Variants in NBEA observed in about 807,000 individuals in gnomAD.
NBEA encodes the protein neurobeachin.
In NBEA, 44 loss-of-function variants were observed where a neutral mutation model predicts 343.4. The ratio of observed to expected loss-of-function variants is 0.13; its 90% CI spans 0.10 to 0.16. The LOEUF is 0.16. Among genes scored for constraint, NBEA ranks in the 10% least tolerant of loss-of-function variants. The pLI is 1.00. For missense variants in NBEA, 2,555 were observed against 3,631.3 expected, an observed-to-expected ratio of 0.70 and a Z score of 7.62; for synonymous variants, 1,175 against 1,238.7, an observed-to-expected ratio of 0.95 and a Z score of 1.08.
chr13:35,594,327 A>T (rs1487945233), intron 47 of NBEA, among the ~76,000 whole-genome samples: 2 of 152,116 alleles, frequency 1.3e-5, no homozygotes, highest in African/African-American at 2.4e-5. Flanking sequence ...TGTCATTCAC[A>T]TATTTATGCT....
intron 39 of NBEA, among the ~76,000 whole-genome samples, chr13:35,447,119 A>G (rs1423807701): frequency 6.6e-6 from 1 of 152,134 alleles, no homozygotes; most frequent in East Asian, 1.9e-4. Flanking sequence ...TTATCAATAG[A>G]AAAGAACATA....
chr13:35,452,433 A>G (rs1566154257), intron 40 of NBEA, among the ~76,000 whole-genome samples, 198 bp downstream of exon 40: 1 of 152,212 alleles, frequency 6.6e-6, no homozygotes, highest in Non-Finnish European at 1.5e-5. Context: ...TTGGCAATAA[A>G]TGAATATCAT....
chr13:35,588,488 A>G (rs530638975), intron 46 of NBEA, among the ~76,000 whole-genome samples: 15 of 152,292 alleles, frequency 9.8e-5, no homozygotes, highest in South Asian at 2.1e-4. Context: ...ATTTGTTTCA[A>G]TGTACTTAGT....
chr13:35,017,834 T>TA (rs1233052550), intron 1 of NBEA, among the ~76,000 whole-genome samples: 30 of 152,178 alleles, frequency 2.0e-4, no homozygotes, highest in Admixed American at 2.0e-3. Context: ...GTGGCTTACT[T>TA]AAAAAATATT....
At chr13:35,259,229 C>T (rs867935663) in intron 34 of NBEA, among the ~76,000 whole-genome samples, 2 of 152,022 alleles carry the variant, frequency 1.3e-5, no homozygotes, top group East Asian at 1.9e-4. Context: ...ATTTTTAGCT[C>T]GGCACCAGAC....
At position 35,452,240 on chromosome 13, in the gene NBEA, A is replaced by T; in HGVS notation, c.6448+5A>T. 1 of 1,545,920 alleles carries T rather than the reference A, an allele frequency of 6.5e-7. No individual in the cohort carries two copies. Among genetic ancestry groups the T allele is most frequent in the Non-Finnish European group, 8.7e-7 (1 of 1,145,080 alleles). ...AAGAAATTGACAACCTTGCAGGTAA[A>T]TTTTAAAATATATTTTTCCTATTTG... On this transcript the variant is annotated splice_donor_5th_base_variant and intron_variant, in intron 40 of 58. Coordinates refer to ENST00000379939, the MANE Select transcript of NBEA (RefSeq NM_001385012.1).
rs2060669907 is a variant in NBEA at position 34,989,407 on chromosome 13, C to T, written c.294+46293C>T. On this transcript the variant is annotated intron_variant, in intron 1 of 58. Coordinates refer to ENST00000379939, the MANE Select transcript of NBEA (RefSeq NM_001385012.1). ...GCCTGGCTGGGGAGGTTTCAGGAAA[C>T]TTACAATCATGGCAGAAGGTGAAGG... is the stretch of plus-strand genomic sequence containing the variant. Among the ~76,000 whole-genome samples, 2 of 150,908 alleles carry T rather than the reference C, an allele frequency of 1.3e-5. 1 individual carries two copies. The highest frequency in any genetic ancestry group is 3.0e-5 in the Non-Finnish European group (2 of 67,460).
intron 41 of NBEA, among the ~76,000 whole-genome samples, chr13:35,546,098 T>G (rs1009565213): frequency 6.6e-6 from 1 of 152,238 alleles, no homozygotes; most frequent in South Asian, 2.1e-4. Context: ...TTTTAGGCAC[T>G]GTGTATCGAA....
intron 31 of NBEA, among the ~76,000 whole-genome samples, chr13:35,199,359 G>C (rs1296947582): frequency 6.6e-6 from 1 of 152,134 alleles, no homozygotes; most frequent in Non-Finnish European, 1.5e-5. Flanking sequence ...GCTTTAGAAT[G>C]AAAGTCCTGA....
At chr13:35,292,815 T>A (rs2035884626) in intron 35 of NBEA, among the ~76,000 whole-genome samples, 1 of 152,068 alleles carries the variant, frequency 6.6e-6, no homozygotes, top group African/African-American at 2.4e-5. Context: ...ATTCTGCAAA[T>A]GGAATTTTTA....
intron 32 of NBEA, among the ~76,000 whole-genome samples, chr13:35,210,710 T>C (rs1171561459): frequency 6.6e-6 from 1 of 152,138 alleles, no homozygotes; most frequent in Non-Finnish European, 1.5e-5. Context: ...AATATTACAA[T>C]GTAGCTATAA....
chr13:35,055,980 A>C (rs773165863), intron 6 of NBEA, 30 bp from the exon 7 acceptor site: 38 of 1,530,992 alleles, frequency 2.5e-5, no homozygotes, highest in Non-Finnish European at 3.4e-5. Context: ...CAAACATTAC[A>C]TATTGATATA....
chr13:35,408,164 T>C (rs1566087918), intron 38 of NBEA, among the ~76,000 whole-genome samples: 1 of 152,098 alleles, frequency 6.6e-6, no homozygotes, highest in Non-Finnish European at 1.5e-5. Context: ...AACAGACACA[T>C]AGACCAATGG....
intron 41 of NBEA, among the ~76,000 whole-genome samples, chr13:35,547,854 A>G (rs1368363090): frequency 6.6e-6 from 1 of 152,044 alleles, no homozygotes; most frequent in East Asian, 1.9e-4. Flanking sequence ...ACGCCACTGC[A>G]CTCCAGTCTG....
intron 2 of NBEA, among the ~76,000 whole-genome samples, chr13:35,042,337 T>G (rs2062684293): frequency 6.6e-6 from 1 of 151,862 alleles, no homozygotes; most frequent in Admixed American, 6.6e-5. Flanking sequence ...TTAAAATACC[T>G]TTTTAATATT....
chr13:34,967,256 C>T (rs538616189), intron 1 of NBEA, among the ~76,000 whole-genome samples: 53 of 151,664 alleles, frequency 3.5e-4, no homozygotes, highest in African/African-American at 1.1e-3. Context: ...ATTTTCCTGA[C>T]GGAAAATGAA....
chr13:35,159,206 C>A lies in NBEA; in HGVS notation c.3035C>A (p.Pro1012Gln). The A allele has an allele frequency of 5.6e-6, 9 of 1,613,520 alleles. No individual in the cohort carries two copies. The highest frequency in any genetic ancestry group is 7.6e-6 in the Non-Finnish European group (9 of 1,179,644). The change falls in exon 22 of 59, where the codon CCA becomes CAA. Residue 1012 changes from proline (P) to glutamine (Q), a missense_variant. Coordinates refer to ENST00000379939, the MANE Select transcript of NBEA (RefSeq NM_001385012.1). ...GAAGATCTTTCACAAAGCCAGAGCC[C>A]AGAAAGTGAGACCGATTACCCTGTC... ...EIEDLSQSQS[P>Q]ESETDYPVST...
chr13:35,653,386 A>C (rs952761993), intron 53 of NBEA, among the ~76,000 whole-genome samples: 6 of 137,472 alleles, frequency 4.4e-5, no homozygotes, highest in East Asian at 4.3e-4. Flanking sequence ...GCTGGAGTGC[A>C]GTGATGCAAT....
At chr13:35,345,468 T>C (rs2039819730) in intron 36 of NBEA, among the ~76,000 whole-genome samples, 2 of 152,026 alleles carry the variant, frequency 1.3e-5, no homozygotes, top group Admixed American at 6.6e-5. Flanking sequence ...GTGAGTGAGC[T>C]TAGGATAGTA....
Sources: allele counts gnomAD v4.1 joint callset (sites outside exome capture counted in the v4.1 genomes callset), GRCh38; gene constraint gnomAD v4.1.1; transcripts MANE v1.5; gene names NCBI Gene and HGNC (gene_info 2026-07-23, HGNC 2026-07-21).